The following CDK17 variants were observed in gnomAD, a reference collection of about 807,000 sequenced individuals.
CDK17 encodes the protein cyclin-dependent kinase 17.
A neutral mutation model predicts 77.6 loss-of-function variants in CDK17; 24 were observed. The observed-to-expected ratio is 0.31, with a 90% CI of 0.22 to 0.44. The LOEUF is 0.44. Ranked by LOEUF, CDK17 falls within the 20% of genes least tolerant of loss-of-function variation. The probability of loss-of-function intolerance (pLI) is 1.00; values close to 1 mark genes in which losing one functional copy is unlikely to be tolerated. For synonymous variants in CDK17, 203 were observed against 210.4 expected (o/e 0.96, Z 0.30); for missense variants, 429 against 622.5 (o/e 0.69, Z 3.31).
At chr12:96,356,143 T>A (rs1241332158) in intron 1 of CDK17, among the ~76,000 whole-genome samples, 1 of 152,212 alleles carries the variant, frequency 6.6e-6, no homozygotes, top group Non-Finnish European at 1.5e-5. Context: ...TTATATCATT[T>A]TCAGAATGAA....
chr12:96,343,188 G>A (rs1172441933), intron 1 of CDK17, among the ~76,000 whole-genome samples: 1 of 152,202 alleles, frequency 6.6e-6, no homozygotes, highest in Non-Finnish European at 1.5e-5. Flanking sequence ...AAAACAACCA[G>A]TAAACTGGAA....
rs928660430 is a variant in CDK17, at chr12:96,381,769, G to GT, written c.-30+18216dup. On this transcript the variant is annotated intron_variant, in intron 1 of 16. Transcript: ENST00000261211. ...ATGGATCACCAAAACAACTTATCTA[G>GT]TTTTTTTTATTATATAACAACTTGA... Among the ~76,000 whole-genome samples, 23 of 151,150 alleles carry GT rather than the reference G, an allele frequency of 1.5e-4. No individual in the cohort carries two copies. In the East Asian group the frequency reaches 4.3e-3, roughly 28 times the overall value.
At chr12:96,304,060 C>T (rs1404613589) in intron 5 of CDK17, among the ~76,000 whole-genome samples, 1 of 152,124 alleles carries the variant, frequency 6.6e-6, no homozygotes. Context: ...ATAAAAGTTA[C>T]GTGAATGCAG....
At chr12:96,313,625 G>A (rs1295045303) in intron 3 of CDK17, among the ~76,000 whole-genome samples, 171 bp from the exon 4 acceptor site, 2 of 152,050 alleles carry the variant, frequency 1.3e-5, no homozygotes, top group Non-Finnish European at 1.5e-5. Flanking sequence ...TGACTCAAAT[G>A]TCTTAAAATA....
intron 3 of CDK17, among the ~76,000 whole-genome samples, chr12:96,320,068 T>C (rs1198166344): frequency 2.0e-5 from 3 of 152,150 alleles, no homozygotes; most frequent in Admixed American, 1.3e-4. Flanking sequence ...GCCCAAAATC[T>C]CCTTAAGCTG....
chr12:96,329,133 G>A (rs967494927), intron 2 of CDK17, among the ~76,000 whole-genome samples: 3 of 152,138 alleles, frequency 2.0e-5, no homozygotes, highest in Admixed American at 1.3e-4. Flanking sequence ...ACCAGGGGCT[G>A]GGGAGAGGAG....
chr12:96,323,136 A>G (rs1952844137), intron 3 of CDK17, among the ~76,000 whole-genome samples: 1 of 152,174 alleles, frequency 6.6e-6, no homozygotes, highest in South Asian at 2.1e-4. Context: ...TGATTTTAAA[A>G]ATCAAAACAT....
At chr12:96,292,651 T>G (rs1381374396) in intron 10 of CDK17, among the ~76,000 whole-genome samples, 4 of 152,126 alleles carry the variant, frequency 2.6e-5, no homozygotes, top group Non-Finnish European at 4.4e-5. Flanking sequence ...GAAAAAAAAT[T>G]ATGAATTTAG....
intron 1 of CDK17, among the ~76,000 whole-genome samples, chr12:96,389,830 T>A (rs1437841578): frequency 4.0e-5 from 2 of 50,562 alleles, no homozygotes; most frequent in African/African-American, 2.5e-4. Flanking sequence ...GTTTGTTTGT[T>A]TTTTGTTTTT....
At chr12:96,356,546 C>T (rs12811805) in intron 1 of CDK17, among the ~76,000 whole-genome samples, 11,499 of 152,256 alleles carry the variant, frequency 0.076, 511 homozygotes, top group African/African-American at 0.12. Flanking sequence ...GCTAAGATTA[C>T]AGGCATGAGC....
At chr12:96,354,842 T>C (rs1953369878) in intron 1 of CDK17, among the ~76,000 whole-genome samples, 1 of 152,038 alleles carries the variant, frequency 6.6e-6, no homozygotes, top group African/African-American at 2.4e-5. Flanking sequence ...TGTGATCTCA[T>C]CACTGCACTC....
In CDK17 at chr12:96,380,126, A is replaced by G. The variant is rs546743631; in HGVS notation, c.-30+19860T>C. Among the ~76,000 whole-genome samples, 4 of 150,718 alleles carry G rather than the reference A, an allele frequency of 2.7e-5. 1 individual carries two copies. The South Asian group carries it at 8.4e-4, about 32-fold the overall frequency. ...TGAGCCTGCAGTGAGCCATGATAGC[A>G]CCAATGCACCCTAGCCTGAGAGACA... On this transcript the variant is annotated intron_variant, in intron 1 of 16. Transcript: ENST00000261211.
chr12:96,357,759 T>C (rs1476336443), intron 1 of CDK17, among the ~76,000 whole-genome samples: 1 of 152,154 alleles, frequency 6.6e-6, no homozygotes, highest in African/African-American at 2.4e-5. Flanking sequence ...TAACTAGTAA[T>C]AATATTAGGC....
At chr12:96,385,461 G>A (rs750224489) in intron 1 of CDK17, among the ~76,000 whole-genome samples, 11 of 152,026 alleles carry the variant, frequency 7.2e-5, no homozygotes, top group South Asian at 2.1e-4. Context: ...TCAGCATCAC[G>A]CAATATACCC....
At chr12:96,339,795 T>C (rs955573835) in intron 1 of CDK17, among the ~76,000 whole-genome samples, 1 of 151,850 alleles carries the variant, frequency 6.6e-6, no homozygotes, top group African/African-American at 2.4e-5. Flanking sequence ...CCAGGCATGG[T>C]GGTGCACGCC....
intron 2 of CDK17, among the ~76,000 whole-genome samples, chr12:96,330,225 A>G (rs1343046242): frequency 6.6e-6 from 1 of 152,192 alleles, no homozygotes; most frequent in African/African-American, 2.4e-5. Context: ...ATTCTGAAAT[A>G]TAACTTTCTG....
chr12:96,330,907 C>T (rs373329411), intron 2 of CDK17, among the ~76,000 whole-genome samples: 4 of 152,192 alleles, frequency 2.6e-5, no homozygotes, highest in African/African-American at 9.6e-5. Flanking sequence ...CTATGTTTAA[C>T]TTTTTGAAGA....
At chr12:96,354,575 A>G (rs980051560) in intron 1 of CDK17, among the ~76,000 whole-genome samples, 1 of 152,194 alleles carries the variant, frequency 6.6e-6, no homozygotes, top group Non-Finnish European at 1.5e-5. Context: ...CTCTTTGCTT[A>G]GAATTTAATG....
At chr12:96,297,775 T>G (rs1332433007) in intron 7 of CDK17, 54 bp from the exon 8 acceptor site, 6 of 941,612 alleles carry the variant, frequency 6.4e-6, no homozygotes, top group Non-Finnish European at 3.4e-6. Flanking sequence ...TATAAAAACC[T>G]GAAGTAAGTT....
Sources: allele counts gnomAD v4.1 joint callset (sites outside exome capture counted in the v4.1 genomes callset), GRCh38; gene constraint gnomAD v4.1.1; transcripts MANE v1.5; gene names NCBI Gene and HGNC (gene_info 2026-07-23, HGNC 2026-07-21).